SEL1L2: variants seen among roughly 807,000 people sequenced by gnomAD.
The protein encoded by SEL1L2 is SEL1L2 adaptor subunit of SYVN1 ubiquitin ligase.
Under a neutral mutation model 98.8 loss-of-function variants are expected in SEL1L2, and 89 were observed. That is an observed-to-expected ratio of 0.90 (90% CI 0.76 to 1.07). The LOEUF (loss-of-function observed/expected upper bound fraction) is 1.07. Ranked by LOEUF, SEL1L2 falls within the 50% of genes least tolerant of loss-of-function variation. The pLI, the probability that SEL1L2 is intolerant of heterozygous loss-of-function variation, is 0.00. For missense variants in SEL1L2, 788 were observed against 812.0 expected (o/e 0.97, Z 0.36); for synonymous variants, 262 against 278.5 (o/e 0.94, Z 0.59).
upstream of SEL1L2, among the ~76,000 whole-genome samples, chr20:13,994,268 C>T (rs891255449): frequency 7.9e-6 from 1 of 125,828 alleles, no homozygotes; most frequent in Non-Finnish European, 1.6e-5. Flanking sequence ...TGCCCTCCAG[C>T]TGGGGGACAA....
chr20:13,993,358 C>A (rs1158494822), upstream of SEL1L2, among the ~76,000 whole-genome samples: 3 of 152,052 alleles, frequency 2.0e-5, no homozygotes, highest in Non-Finnish European at 2.9e-5. Flanking sequence ...TGGAGCCATT[C>A]GAAGAGATGG....
chr20:13,918,402 C>T (rs566370459), intron 4 of SEL1L2, among the ~76,000 whole-genome samples: 2 of 152,278 alleles, frequency 1.3e-5, no homozygotes, highest in East Asian at 3.9e-4. Context: ...GAAGATATTT[C>T]TGCCTCCCCT....
chr20:13,959,006 C>A (rs544279206), intron 1 of SEL1L2, among the ~76,000 whole-genome samples: 1 of 151,344 alleles, frequency 6.6e-6, no homozygotes, highest in Non-Finnish European at 1.5e-5. Flanking sequence ...AAATTGACAA[C>A]GACCAGTTGA....
At chr20:13,979,887 C>A (rs368629981) in intron 1 of SEL1L2, among the ~76,000 whole-genome samples, 11 of 152,132 alleles carry the variant, frequency 7.2e-5, no homozygotes, top group African/African-American at 2.4e-4. Context: ...AAAATCTGTA[C>A]AGCAAAGAAA....
At chr20:13,889,414 T>A (rs187393065) in intron 5 of SEL1L2, among the ~76,000 whole-genome samples, 20 of 152,348 alleles carry the variant, frequency 1.3e-4, no homozygotes, top group Admixed American at 5.2e-4. Context: ...ATTCTTACTG[T>A]GCTTTAGTAT....
chr20:13,932,439 TTATTA>T lies in SEL1L2; in HGVS notation c.115-673_115-669del, dbSNP rs1203831545. ...ATTATTATTATTATTATTATTATTA[TTATTA>T]TTTTTTGAGACGAGTTTCACTCTGT... On this transcript the variant is annotated intron_variant, in intron 2 of 19. Transcript: ENST00000284951. Among the ~76,000 whole-genome samples the T allele has an allele frequency of 2.3e-4, 34 of 148,314 alleles. No individual in the cohort carries two copies. The South Asian group carries it at 3.0e-3, about 13-fold the overall frequency.
chr20:13,926,948 C>A (rs1426532957), intron 3 of SEL1L2, among the ~76,000 whole-genome samples: 2 of 152,026 alleles, frequency 1.3e-5, no homozygotes, highest in African/African-American at 4.8e-5. Context: ...CTGTAGTGTC[C>A]CAGTGGCCTG....
chr20:13,907,710 C>CTT (rs1231088867), intron 5 of SEL1L2, among the ~76,000 whole-genome samples: 1 of 105,102 alleles, frequency 9.5e-6, no homozygotes, highest in Non-Finnish European at 1.9e-5. Context: ...CTCTTTCTTT[C>CTT]TTTCTTTCTT....
chr20:13,917,667 G>T (rs2048462291), intron 4 of SEL1L2, among the ~76,000 whole-genome samples: 1 of 151,898 alleles, frequency 6.6e-6, no homozygotes, highest in East Asian at 1.9e-4. Context: ...GCCCTGTCTG[G>T]TGCTAGCTAC....
intron 10 of SEL1L2, 63 bp from the exon 11 acceptor site, chr20:13,877,651 G>C: frequency 1.5e-6 from 2 of 1,338,890 alleles, no homozygotes. Context: ...ATAGCTTTTT[G>C]AACCAAACTT....
At chr20:13,917,520 C>T (rs910454991) in intron 4 of SEL1L2, among the ~76,000 whole-genome samples, 26 of 152,188 alleles carry the variant, frequency 1.7e-4, no homozygotes, top group African/African-American at 5.6e-4. Context: ...AAAACAGTAA[C>T]TAGCACAAAG....
Position 13,886,420 on chromosome 20 carries a change from A to G in SEL1L2, c.768T>C (p.Ser256=), listed in dbSNP as rs758803989. The G allele has an allele frequency of 1.2e-6, 2 of 1,613,790 alleles. No homozygotes were observed. Among genetic ancestry groups the G allele is most frequent in the East Asian group, 2.2e-5 (1 of 44,862 alleles). ...TCACTTTTTCCACTGGAACACCTTC[A>G]CTTTTTTCAAATGTGTCAGCAACTG... The part of the protein sequence containing the change: ...ADYIADTFEK[S]EGVPVEKVRL... The change falls in exon 9 of 20, where the codon AGT becomes AGC. Residue 256 remains serine (S), a synonymous_variant. Transcript: ENST00000284951.
chr20:13,875,124 G>T (rs1046969017), intron 12 of SEL1L2, among the ~76,000 whole-genome samples: 35 of 152,270 alleles, frequency 2.3e-4, no homozygotes, highest in African/African-American at 7.9e-4. Context: ...GTGCTTCGAA[G>T]TTCACTCCAC....
At position 13,887,840 on chromosome 20, in the gene SEL1L2, T is replaced by C. The variant is rs768721130; in HGVS notation, c.674A>G (p.Tyr225Cys). 67 of 1,613,302 alleles carry C rather than the reference T, an allele frequency of 4.2e-5. 1 individual carries two copies. The South Asian group carries it at 6.8e-4, about 16-fold the overall frequency. The change falls in exon 8 of 20, where the codon TAT becomes TGT. Residue 225 changes from tyrosine (Y) to cysteine (C), a missense_variant. Transcript: ENST00000284951. ...CTGTAGAACATTGATTCCCGACAAA[T>C]ATCTGTACCCCTAAAACACAGACAG... is the stretch of plus-strand genomic sequence containing the variant. ...MMSQMILGYR[Y>C]LSGINVLQNC... is the part of the protein sequence containing the mutation.
At chr20:13,928,995 T>A (rs112497694) in intron 3 of SEL1L2, among the ~76,000 whole-genome samples, 3,517 of 152,238 alleles carry the variant, frequency 0.023, 54 homozygotes, top group Non-Finnish European at 0.038. Context: ...GTAGCAATGA[T>A]TAAAACCCAT....
chr20:13,964,375 C>CA (rs1555898745), intron 1 of SEL1L2, among the ~76,000 whole-genome samples: 14 of 150,818 alleles, frequency 9.3e-5, no homozygotes, highest in African/African-American at 3.4e-4. Flanking sequence ...ACCCCACCCC[C>CA]AAATGCAACC....
intron 8 of SEL1L2, among the ~76,000 whole-genome samples, chr20:13,886,721 C>A (rs1003575705): frequency 1.3e-5 from 2 of 151,986 alleles, no homozygotes; most frequent in African/African-American, 4.8e-5. Context: ...AACCCCGTCT[C>A]TACTAAAAAT....
At chr20:13,955,596 GAA>G (rs2050498757) in intron 2 of SEL1L2, among the ~76,000 whole-genome samples, 1 of 152,160 alleles carries the variant, frequency 6.6e-6, no homozygotes, top group South Asian at 2.1e-4. Flanking sequence ...GTGTGAGATG[GAA>G]ATTCACTTCT....
intron 17 of SEL1L2, among the ~76,000 whole-genome samples, chr20:13,862,949 G>A (rs990858552): frequency 6.6e-6 from 1 of 151,886 alleles, no homozygotes; most frequent in African/African-American, 2.4e-5. Context: ...CTCCCACCTC[G>A]GTCTCCCAAA....
Sources: gnomAD v4.1 joint callset for allele counts (sites outside exome capture counted in the v4.1 genomes callset) on GRCh38, gnomAD v4.1.1 for gene constraint, MANE v1.5 for transcripts, NCBI Gene and HGNC (gene_info 2026-07-23, HGNC 2026-07-21) for gene names.